The following RAB38 variants were observed in gnomAD, a reference collection of about 807,000 sequenced individuals.
The protein encoded by RAB38 is ras-related protein Rab-38.
RAB38 carries 15 observed loss-of-function variants against 18.4 expected under a neutral mutation model. The observed-to-expected ratio is 0.82, with a 90% CI of 0.55 to 1.26. The LOEUF (loss-of-function observed/expected upper bound fraction) is 1.26. Among genes scored for constraint, RAB38 ranks in the 50% most tolerant of loss-of-function variants. RAB38 has a pLI of 0.00. For synonymous variants in RAB38, 101 were observed against 104.4 expected (o/e 0.97, Z 0.20); for missense variants, 294 against 267.4 (o/e 1.10, Z -0.69).
At chr11:88,050,239 A>G in the RAB38 span, 2 of 152,226 alleles carry the variant, frequency 1.3e-5, no homozygotes, top group Non-Finnish European at 2.9e-5. Flanking sequence ...ATGGTAGCAA[A>G]TACTGTACCC....
chr11:87,893,371 C>CATATATATATATGTATATATATAT, the RAB38 span, among the ~76,000 whole-genome samples: 12 of 86,420 alleles, frequency 1.4e-4, no homozygotes, highest in African/African-American at 5.1e-4. Context: ...ATATATTTTA[C>CATATATATATATGTATATATATAT]ATATATATAT....
At chr11:87,819,865 C>T in the RAB38 span, among the ~76,000 whole-genome samples, 3,315 of 151,036 alleles carry the variant, frequency 0.022, 111 homozygotes, top group African/African-American at 0.077. Flanking sequence ...TCTCTATCTT[C>T]GAGAAGCTCT....
At chr11:88,173,116 T>C (rs1171089875) in intron 1 of RAB38, among the ~76,000 whole-genome samples, 1 of 152,210 alleles carries the variant, frequency 6.6e-6, no homozygotes, top group East Asian at 1.9e-4. Context: ...CCTGAGAGTA[T>C]GTCAGGAGCA....
the RAB38 span, among the ~76,000 whole-genome samples, chr11:87,898,276 C>G: frequency 6.6e-6 from 1 of 151,598 alleles, no homozygotes; most frequent in African/African-American, 2.4e-5. Context: ...AACATGTCCT[C>G]ACCAACCACA....
At chr11:87,931,408 A>T in the RAB38 span, among the ~76,000 whole-genome samples, 1 of 152,064 alleles carries the variant, frequency 6.6e-6, no homozygotes, top group Non-Finnish European at 1.5e-5. Context: ...GAAGGTGTAG[A>T]CAGCTCCACT....
At chr11:88,144,340 G>A (rs1014472617) in intron 2 of RAB38, among the ~76,000 whole-genome samples, 2 of 152,162 alleles carry the variant, frequency 1.3e-5, no homozygotes, top group African/African-American at 4.8e-5. Context: ...CCTACAATTG[G>A]TGGAATCTAG....
chr11:87,918,674 C>G, the RAB38 span, among the ~76,000 whole-genome samples: 1 of 152,032 alleles, frequency 6.6e-6, no homozygotes, highest in Non-Finnish European at 1.5e-5. Flanking sequence ...GTTTCTACAC[C>G]TTTTAAGAAA....
chr11:87,805,714 TACAC>T, the RAB38 span, among the ~76,000 whole-genome samples: 2 of 132,974 alleles, frequency 1.5e-5, no homozygotes, highest in African/African-American at 5.8e-5. Flanking sequence ...TATATGTGTA[TACAC>T]ACACATATAT....
chr11:87,841,982 C>G, the RAB38 span, among the ~76,000 whole-genome samples: 1 of 152,074 alleles, frequency 6.6e-6, no homozygotes, highest in Non-Finnish European at 1.5e-5. Flanking sequence ...TCCTCTTCTT[C>G]TTGCTATTTT....
the RAB38 span, among the ~76,000 whole-genome samples, chr11:87,848,944 C>T: frequency 6.6e-6 from 1 of 151,970 alleles, no homozygotes; most frequent in African/African-American, 2.4e-5. Context: ...TGTTTAGGTC[C>T]CATTTTATGC....
the RAB38 span, among the ~76,000 whole-genome samples, chr11:87,916,492 CAT>C: frequency 6.6e-6 from 1 of 152,108 alleles, no homozygotes; most frequent in African/African-American, 2.4e-5. Context: ...TGCTTCTTCA[CAT>C]GTGTCCACTT....
At chr11:88,127,019 A>G (rs1210294713) in intron 2 of RAB38, among the ~76,000 whole-genome samples, 2 of 152,210 alleles carry the variant, frequency 1.3e-5, no homozygotes, top group Non-Finnish European at 2.9e-5. Flanking sequence ...TTAGAGTAAG[A>G]TATTTCCAAG....
At chr11:88,148,866 C>T (rs1431411428) in intron 2 of RAB38, among the ~76,000 whole-genome samples, 1 of 151,960 alleles carries the variant, frequency 6.6e-6, no homozygotes, top group Non-Finnish European at 1.5e-5. Context: ...AATGGTTATT[C>T]TTTTAAAATT....
chr11:88,117,531 A>C (rs1345410476), intron 2 of RAB38, among the ~76,000 whole-genome samples: 1 of 152,222 alleles, frequency 6.6e-6, no homozygotes, highest in Non-Finnish European at 1.5e-5. Context: ...ATGTGTACCA[A>C]GGTGCTGATT....
At chr11:87,894,185 T>G in the RAB38 span, among the ~76,000 whole-genome samples, 1 of 151,700 alleles carries the variant, frequency 6.6e-6, no homozygotes. Context: ...CTATCGTAAA[T>G]GGGATTGTTT....
chr11:87,956,289 G>A, the RAB38 span, among the ~76,000 whole-genome samples: 1 of 152,132 alleles, frequency 6.6e-6, no homozygotes, highest in South Asian at 2.1e-4. Context: ...CAAATAAATT[G>A]TAGCTATTGT....
At chr11:87,842,412 G>T in the RAB38 span, among the ~76,000 whole-genome samples, 1 of 152,258 alleles carries the variant, frequency 6.6e-6, no homozygotes, top group Admixed American at 6.5e-5. Context: ...GTAAAGTTCT[G>T]CAAATGGCTC....
At chr11:88,147,570 T>TAAA (rs397938499) in intron 2 of RAB38, among the ~76,000 whole-genome samples, 49 of 128,486 alleles carry the variant, frequency 3.8e-4, no homozygotes, top group African/African-American at 7.1e-4. Flanking sequence ...ATTTTGGAAT[T>TAAA]AAAAAAAAAA....
intron 1 of RAB38, among the ~76,000 whole-genome samples, chr11:88,152,552 T>C (rs1055271629): frequency 1.3e-5 from 2 of 152,170 alleles, no homozygotes; most frequent in Non-Finnish European, 2.9e-5. Flanking sequence ...CCAGGCCACT[T>C]GGAAAGTTTA....
Sources: gnomAD v4.1 joint callset for allele counts (sites outside exome capture counted in the v4.1 genomes callset) on GRCh38, gnomAD v4.1.1 for gene constraint, MANE v1.5 for transcripts, NCBI Gene and HGNC (gene_info 2026-07-23, HGNC 2026-07-21) for gene names.